Variants in PCDH15 observed in about 807,000 individuals in gnomAD.
The protein encoded by PCDH15 is protocadherin related 15, also known as protocadherin-15.
A neutral mutation model predicts 178.5 loss-of-function variants in PCDH15; 129 were observed. The observed-to-expected ratio is 0.72, with a 90% CI of 0.63 to 0.84. PCDH15 has a LOEUF of 0.84. Ranked by LOEUF, PCDH15 falls within the 40% of genes least tolerant of loss-of-function variation. The pLI, the probability that PCDH15 is intolerant of heterozygous loss-of-function variation, is 0.00. For missense variants in PCDH15, 2,230 were observed against 2,099.9 expected, an observed-to-expected ratio of 1.06 and a Z score of -1.21; for synonymous variants, 800 against 732.0, an observed-to-expected ratio of 1.09 and a Z score of -1.50.
At chr10:54,677,817 T>G (rs1327313908) in intron 1 of PCDH15, among the ~76,000 whole-genome samples, 2 of 152,188 alleles carry the variant, frequency 1.3e-5, no homozygotes, top group Non-Finnish European at 1.5e-5. Context: ...CAGACCATGT[T>G]GCAATAGTTT....
At chr10:54,057,726 T>G (rs2093926976) in intron 18 of PCDH15, among the ~76,000 whole-genome samples, 1 of 152,190 alleles carries the variant, frequency 6.6e-6, no homozygotes, top group Admixed American at 6.5e-5. Context: ...CCACTGCTAG[T>G]TTGAATTTCT....
chr10:55,350,226 CTCATATATATAT>C, intron 2 of PCDH15, among the ~76,000 whole-genome samples: 1 of 79,180 alleles, frequency 1.3e-5, no homozygotes, highest in Admixed American at 1.5e-4. Context: ...CATATATAAA[CTCATATATATAT>C]ATATATATAT....
At chr10:54,729,680 C>T (rs937702537) in intron 1 of PCDH15, among the ~76,000 whole-genome samples, 2 of 151,642 alleles carry the variant, frequency 1.3e-5, no homozygotes, top group South Asian at 2.1e-4. Context: ...TATCCAGAAC[C>T]TATAAGGAAT....
chr10:53,895,424 C>T (rs557255092), intron 26 of PCDH15, among the ~76,000 whole-genome samples: 14 of 152,190 alleles, frequency 9.2e-5, no homozygotes, highest in African/African-American at 3.4e-4. Flanking sequence ...CCATAAATTT[C>T]TTAAATTTGG....
At chr10:53,926,841 A>C (rs2084599137) in intron 25 of PCDH15, among the ~76,000 whole-genome samples, 1 of 152,212 alleles carries the variant, frequency 6.6e-6, no homozygotes. Context: ...ACTTCATGCT[A>C]CTACTTATTG....
chr10:53,837,802 T>C (rs903726018), intron 29 of PCDH15, among the ~76,000 whole-genome samples: 2 of 151,906 alleles, frequency 1.3e-5, no homozygotes, highest in African/African-American at 4.8e-5. Flanking sequence ...TGTATGTGTA[T>C]ACAATTTTAT....
chr10:54,341,729 G>A (rs1361538969), intron 6 of PCDH15, among the ~76,000 whole-genome samples: 3 of 152,176 alleles, frequency 2.0e-5, no homozygotes, highest in African/African-American at 7.2e-5. Context: ...CAACCAAAAT[G>A]CTGATAGTGA....
At chr10:54,069,977 G>A (rs2174717) in intron 17 of PCDH15, among the ~76,000 whole-genome samples, 4 of 151,854 alleles carry the variant, frequency 2.6e-5, no homozygotes, top group South Asian at 2.1e-4. Flanking sequence ...AAAAAGTTAC[G>A]TATTTTCCAT....
intron 3 of PCDH15, among the ~76,000 whole-genome samples, chr10:54,421,929 CTATA>C (rs71007853): frequency 1.9e-5 from 2 of 105,716 alleles, no homozygotes; most frequent in Admixed American, 9.6e-5. Context: ...TATATATACA[CTATA>C]TATATATATA....
intron 15 of PCDH15, among the ~76,000 whole-genome samples, chr10:54,104,527 T>C (rs1225244355): frequency 6.6e-6 from 1 of 152,148 alleles, no homozygotes; most frequent in Non-Finnish European, 1.5e-5. Flanking sequence ...TATCTGCTTC[T>C]GAAGCCAGGA....
chr10:54,213,322 T>G (rs2051652964), intron 10 of PCDH15, among the ~76,000 whole-genome samples: 1 of 152,138 alleles, frequency 6.6e-6, no homozygotes, highest in Non-Finnish European at 1.5e-5. Context: ...TTTCAGTATC[T>G]ATTTAATGAT....
chr10:54,503,050 C>T (rs1217346644), intron 3 of PCDH15, among the ~76,000 whole-genome samples: 1 of 151,122 alleles, frequency 6.6e-6, no homozygotes, highest in African/African-American at 2.4e-5. Context: ...GTAAAATATC[C>T]TTTTCTAAGC....
At chr10:55,272,175 G>T (rs1842462418) in intron 1 of PCDH15, among the ~76,000 whole-genome samples, 1 of 151,762 alleles carries the variant, frequency 6.6e-6, no homozygotes, top group African/African-American at 2.4e-5. Flanking sequence ...AGGACTAAAT[G>T]AAATAATGTT....
chr10:54,006,230 A>C (rs1380908910), intron 20 of PCDH15, among the ~76,000 whole-genome samples: 1 of 152,188 alleles, frequency 6.6e-6, no homozygotes, highest in Non-Finnish European at 1.5e-5. Context: ...AGAATTAAAG[A>C]TATTTTCTCC....
At chr10:53,836,408 T>C (rs1475676995) in intron 29 of PCDH15, among the ~76,000 whole-genome samples, 2 of 152,140 alleles carry the variant, frequency 1.3e-5, no homozygotes, top group South Asian at 2.1e-4. Flanking sequence ...AGTCTAACAC[T>C]GTGGGACAGA....
chr10:54,507,668 A>T (rs1391340600), intron 3 of PCDH15, among the ~76,000 whole-genome samples: 1 of 152,012 alleles, frequency 6.6e-6, no homozygotes, highest in Non-Finnish European at 1.5e-5. Context: ...TTAACAGATG[A>T]GAGTACTGAA....
intron 32 of PCDH15, chr10:53,823,032 C>T (rs1370412654): frequency 1.2e-6 from 2 of 1,614,012 alleles, no homozygotes; most frequent in African/African-American, 1.3e-5. Flanking sequence ...TTCTCTTGGG[C>T]CCCTCAGAGA....
intron 2 of PCDH15, among the ~76,000 whole-genome samples, chr10:55,109,885 ATG>A (rs1251964857): frequency 1.3e-5 from 2 of 151,978 alleles, no homozygotes; most frequent in African/African-American, 4.8e-5. Flanking sequence ...AATGTAAAGA[ATG>A]TGGAAATTTC....
chr10:53,919,920 G>A (rs1233426111), intron 25 of PCDH15, among the ~76,000 whole-genome samples: 1 of 152,132 alleles, frequency 6.6e-6, no homozygotes, highest in Non-Finnish European at 1.5e-5. Context: ...TAGATTGCTA[G>A]AATGGGGACA....
Sources: allele counts gnomAD v4.1 joint callset (sites outside exome capture counted in the v4.1 genomes callset), GRCh38; gene constraint gnomAD v4.1.1; transcripts MANE v1.5; gene names NCBI Gene and HGNC (gene_info 2026-07-23, HGNC 2026-07-21).